Variants in CEP41 observed in about 807,000 individuals in gnomAD.
CEP41 encodes centrosomal protein 41.
A neutral mutation model predicts 44.3 loss-of-function variants in CEP41; 32 were observed. The observed-to-expected ratio is 0.72, with a 90% confidence interval of 0.54 to 0.97. The LOEUF is 0.97. Ranked by LOEUF, CEP41 falls within the 50% of genes least tolerant of loss-of-function variation. The pLI, the probability that CEP41 is intolerant of heterozygous loss-of-function variation, is 0.00. For synonymous variants in CEP41, 151 were observed against 168.5 expected, an observed-to-expected ratio of 0.90 and a Z score of 0.80; for missense variants, 432 against 455.2, an observed-to-expected ratio of 0.95 and a Z score of 0.46.
rs1038351020 is a variant in CEP41, at chr7:130,395,727, C to T, written c.*3164G>A. The T allele has an allele frequency of 3.3e-5, 15 of 453,526 alleles. No individual in the cohort carries two copies. Among genetic ancestry groups the T allele is most frequent in the Non-Finnish European group, 5.7e-5 (13 of 226,720 alleles). 28.1% of individuals were successfully genotyped at this position (453,526 alleles called of 1,614,324 possible). A position where few individuals can be genotyped will look rare whatever the true frequency, so the allele number is the denominator to read the frequency against. On this transcript the variant is annotated 3_prime_UTR_variant, in exon 11 of 11. Transcript: ENST00000223208. The stretch of plus-strand genomic sequence containing the variant: ...TTTTGTTTTGTTCTGTTTTCTTGGT[C>T]GAGTAGCCTAAAGTCTTAAGAATTT...
chr7:130,430,520 C>A (rs1360379571), intron 1 of CEP41, among the ~76,000 whole-genome samples: 1 of 152,194 alleles, frequency 6.6e-6, no homozygotes. Flanking sequence ...ATGCCAATTT[C>A]AATTCCTTCC....
At chr7:130,440,330 T>A (rs1040162566) in intron 1 of CEP41, among the ~76,000 whole-genome samples, 2 of 152,158 alleles carry the variant, frequency 1.3e-5, no homozygotes, top group African/African-American at 4.8e-5. Flanking sequence ...CTATACGCAA[T>A]TTATTAAAGG....
chr7:130,427,882 T>G, intron 2 of CEP41, 73 bp downstream of exon 2: 1 of 940,668 alleles, frequency 1.1e-6, no homozygotes, highest in South Asian at 1.3e-5. Flanking sequence ...TTATACCAGA[T>G]ATGTGGGGTT....
chr7:130,423,583 C>T (rs997545825), intron 2 of CEP41, among the ~76,000 whole-genome samples: 1 of 152,208 alleles, frequency 6.6e-6, no homozygotes, highest in Non-Finnish European at 1.5e-5. Flanking sequence ...ATTAGACATA[C>T]AGTTACCATA....
At chr7:130,405,145 A>T (rs1796972120) in intron 5 of CEP41, among the ~76,000 whole-genome samples, 1 of 152,196 alleles carries the variant, frequency 6.6e-6, no homozygotes, top group South Asian at 2.1e-4. Flanking sequence ...TTCTTATTAC[A>T]TCTCACCTTG....
intron 2 of CEP41, chr7:130,417,274 TTCC>T (rs1203859923): frequency 8.6e-7 from 1 of 1,166,962 alleles, no homozygotes; most frequent in Middle Eastern, 3.7e-4. Context: ...AGTCTAGGCT[TTCC>T]TCCTCCTTTT....
At chr7:130,434,544 C>CA (rs1797907822) in intron 1 of CEP41, among the ~76,000 whole-genome samples, 1 of 152,122 alleles carries the variant, frequency 6.6e-6, no homozygotes, top group Admixed American at 6.5e-5. Flanking sequence ...TAGTCAAAAA[C>CA]AACCTAAATG....
Position 130,394,943 on chromosome 7 carries a change from T to C in CEP41, c.*3948A>G, listed in dbSNP as rs1311906133. 1 of 453,988 alleles carries C rather than the reference T, an allele frequency of 2.2e-6. No homozygotes were observed. Among genetic ancestry groups the C allele is most frequent in the Non-Finnish European group, 4.4e-6 (1 of 226,794 alleles). The allele number at this position is 453,988 out of a possible 1,614,324, so 28.1% of individuals were successfully genotyped here. A position where few individuals can be genotyped will look rare whatever the true frequency, so the allele number is the denominator to read the frequency against. On this transcript the variant is annotated 3_prime_UTR_variant, in exon 11 of 11. Coordinates refer to ENST00000223208, the MANE Select transcript of CEP41 (RefSeq NM_018718.3). ...TCACATTTTACCAGGTGCTTCAGGA[T>C]GTTACACAGGTGAGAATTTGCTTCT...
intron 2 of CEP41, among the ~76,000 whole-genome samples, chr7:130,417,520 CAT>C (rs564806844): frequency 2.6e-4 from 39 of 152,282 alleles, no homozygotes; most frequent in Middle Eastern, 6.8e-3. Context: ...TAGTATTCAC[CAT>C]AGATTTGATG....
intron 7 of CEP41, 106 bp from the exon 8 acceptor site, chr7:130,402,054 C>T: frequency 1.3e-6 from 1 of 786,940 alleles, no homozygotes; most frequent in Non-Finnish European, 2.2e-6. Flanking sequence ...TCTTCAAAAT[C>T]CATGAGCTGC....
At chr7:130,414,567 G>C (rs1554420480) in intron 3 of CEP41, among the ~76,000 whole-genome samples, 3 of 152,146 alleles carry the variant, frequency 2.0e-5, no homozygotes, top group Non-Finnish European at 4.4e-5. Context: ...ACTAAACAAA[G>C]ATTAATTTAA....
chr7:130,436,082 C>T (rs192010707), intron 1 of CEP41, among the ~76,000 whole-genome samples: 118 of 152,186 alleles, frequency 7.8e-4, no homozygotes, highest in African/African-American at 2.7e-3. Context: ...TGAACCCAGG[C>T]AGCAGAGGTT....
At chr7:130,422,963 T>C (rs911046978) in intron 2 of CEP41, among the ~76,000 whole-genome samples, 3 of 152,258 alleles carry the variant, frequency 2.0e-5, no homozygotes, top group Non-Finnish European at 2.9e-5. Context: ...TTTTATTTTT[T>C]GGAGACGGAG....
At chr7:130,408,766 T>C (rs151313720) in intron 5 of CEP41, among the ~76,000 whole-genome samples, 1 of 152,204 alleles carries the variant, frequency 6.6e-6, no homozygotes, top group Non-Finnish European at 1.5e-5. Flanking sequence ...AACATTTACA[T>C]ATATACATTG....
At chr7:130,426,830 G>C in intron 2 of CEP41, 1 of 299,946 alleles carries the variant, frequency 3.3e-6, no homozygotes, top group Non-Finnish European at 6.5e-6. Context: ...TATAATCCTA[G>C]TTCTCTCTCC....
At chr7:130,436,171 A>C (rs1554426090) in intron 1 of CEP41, among the ~76,000 whole-genome samples, 3 of 152,166 alleles carry the variant, frequency 2.0e-5, no homozygotes, top group Admixed American at 6.5e-5. Context: ...AAAACAAAAC[A>C]AAACAAAAAA....
chr7:130,440,864 T>C, intron 1 of CEP41, 70 bp downstream of exon 1: 1 of 1,576,962 alleles, frequency 6.3e-7, no homozygotes, highest in South Asian at 1.1e-5. Flanking sequence ...TGGCTGCTCT[T>C]CCCTGCCCAC....
intron 3 of CEP41, among the ~76,000 whole-genome samples, chr7:130,412,996 TA>T (rs1166344064): frequency 1.3e-5 from 2 of 152,222 alleles, no homozygotes; most frequent in Non-Finnish European, 2.9e-5. Context: ...TGTTGTTTAC[TA>T]CCATTTTATT....
chr7:130,439,244 ACTTT>A (rs1446331583), intron 1 of CEP41, among the ~76,000 whole-genome samples: 2 of 152,154 alleles, frequency 1.3e-5, no homozygotes, highest in Non-Finnish European at 2.9e-5. Context: ...CCTCCAGCTT[ACTTT>A]AAGAATTCAG....
Sources: allele counts gnomAD v4.1 joint callset (sites outside exome capture counted in the v4.1 genomes callset), GRCh38; gene constraint gnomAD v4.1.1; transcripts MANE v1.5; gene names NCBI Gene and HGNC (gene_info 2026-07-23, HGNC 2026-07-21).